ANKS1B: variants seen among roughly 807,000 people sequenced by gnomAD.
The protein encoded by ANKS1B is ankyrin repeat and sterile alpha motif domain containing 1B.
A neutral mutation model predicts 148.3 loss-of-function variants in ANKS1B; 36 were observed. The ratio of observed to expected loss-of-function variants is 0.24; its 90% confidence interval spans 0.19 to 0.32. ANKS1B has a LOEUF of 0.32. Ranked by LOEUF, ANKS1B falls within the 10% of genes least tolerant of loss-of-function variation. The pLI, the probability that ANKS1B is intolerant of heterozygous loss-of-function variation, is 1.00. For synonymous variants in ANKS1B, 542 were observed against 560.8 expected (o/e 0.97, Z 0.47); for missense variants, 1,157 against 1,542.6 (o/e 0.75, Z 4.19).
intron 8 of ANKS1B, among the ~76,000 whole-genome samples, chr12:99,673,990 C>T (rs2098550368): frequency 6.6e-6 from 1 of 151,436 alleles, no homozygotes; most frequent in African/African-American, 2.4e-5. Context: ...CTAGAATATA[C>T]AACAGGAAAA....
chr12:98,937,110 G>A (rs1401129392), intron 17 of ANKS1B, among the ~76,000 whole-genome samples: 2 of 152,192 alleles, frequency 1.3e-5, no homozygotes, highest in African/African-American at 4.8e-5. Context: ...GTCTCAAAGT[G>A]GAGAATGCAT....
At chr12:99,220,608 G>T (rs1049081009) in intron 14 of ANKS1B, among the ~76,000 whole-genome samples, 1 of 151,284 alleles carries the variant, frequency 6.6e-6, no homozygotes, top group East Asian at 2.0e-4. Flanking sequence ...CACCACCCCC[G>T]GCTAATTTTT....
chr12:99,230,811 T>C (rs1566686704), intron 14 of ANKS1B, among the ~76,000 whole-genome samples: 1 of 152,106 alleles, frequency 6.6e-6, no homozygotes, highest in African/African-American at 2.4e-5. Context: ...TATCCTATTA[T>C]TAAGTGATTC....
At chr12:99,851,376 C>T (rs2087808901) in intron 1 of ANKS1B, among the ~76,000 whole-genome samples, 1 of 152,116 alleles carries the variant, frequency 6.6e-6, no homozygotes, top group African/African-American at 2.4e-5. Flanking sequence ...CCTTGCCCTA[C>T]CCCCACCTGA....
At chr12:99,976,518 T>G (rs1744048158) in intron 1 of ANKS1B, among the ~76,000 whole-genome samples, 1 of 152,182 alleles carries the variant, frequency 6.6e-6, no homozygotes, top group African/African-American at 2.4e-5. Flanking sequence ...GAAAGGAGGT[T>G]GGCTGTTTAT....
At chr12:99,493,737 G>A (rs115409291) in intron 10 of ANKS1B, among the ~76,000 whole-genome samples, 2,141 of 152,218 alleles carry the variant, frequency 0.014, 42 homozygotes, top group African/African-American at 0.049. Flanking sequence ...GGAAAGATGT[G>A]GGAGTTTAGT....
chr12:99,419,693 G>C (rs2095026320), intron 11 of ANKS1B, among the ~76,000 whole-genome samples: 1 of 151,964 alleles, frequency 6.6e-6, no homozygotes, highest in Admixed American at 6.6e-5. Context: ...TTTAGAGATA[G>C]GGTCTCACTC....
intron 10 of ANKS1B, among the ~76,000 whole-genome samples, chr12:99,501,403 C>T (rs1252910893): frequency 6.6e-6 from 1 of 152,108 alleles, no homozygotes; most frequent in Non-Finnish European, 1.5e-5. Flanking sequence ...TTTGCTTCCA[C>T]TTGATACCTG....
chr12:99,649,464 T>C, intron 9 of ANKS1B: 4 of 1,287,196 alleles, frequency 3.1e-6, no homozygotes, highest in Non-Finnish European at 3.4e-6. Flanking sequence ...ATAAAACCTA[T>C]AGTGCCTGAT....
chr12:99,085,905 A>C (rs2051584498), intron 15 of ANKS1B, among the ~76,000 whole-genome samples: 1 of 152,164 alleles, frequency 6.6e-6, no homozygotes, highest in Admixed American at 6.6e-5. Context: ...AAAATAACTC[A>C]TCAGTACTAG....
chr12:99,053,449 T>C (rs1402101210), intron 16 of ANKS1B, 140 bp from the exon 17 acceptor site: 4 of 626,728 alleles, frequency 6.4e-6, no homozygotes, highest in African/African-American at 3.8e-5. Context: ...GAAAACACTT[T>C]CTGATGTGTT....
chr12:99,947,405 T>A lies in ANKS1B; in HGVS notation c.134+36699A>T, dbSNP rs148197998. Among the ~76,000 whole-genome samples the A allele has an allele frequency of 5.6e-4, 85 of 152,126 alleles. No individual in the cohort carries two copies. In the East Asian group the frequency reaches 0.011, roughly 20 times the overall value. On this transcript the variant is annotated intron_variant, in intron 1 of 26. Transcript: ENST00000683438. Reference sequence around the variant, plus strand: ...TTTGGACACCAGGGAGACAGAGGCATGGGAGTTCAGGAAAAAACAAGTGGC... The same window carrying A: ...TTTGGACACCAGGGAGACAGAGGCAAGGGAGTTCAGGAAAAAACAAGTGGC...
chr12:99,426,441 A>C (rs1294415755), intron 11 of ANKS1B, among the ~76,000 whole-genome samples: 2 of 149,172 alleles, frequency 1.3e-5, no homozygotes, highest in Non-Finnish European at 3.0e-5. Flanking sequence ...TACTTGACTC[A>C]ATTCAATTTA....
At chr12:99,863,465 C>T (rs374137435) in intron 1 of ANKS1B, among the ~76,000 whole-genome samples, 13 of 152,140 alleles carry the variant, frequency 8.5e-5, no homozygotes, top group African/African-American at 2.9e-4. Context: ...CCCGTAATCC[C>T]AGCACTTTGG....
At chr12:99,325,413 C>A (rs2152218610) in intron 12 of ANKS1B, among the ~76,000 whole-genome samples, 1 of 152,156 alleles carries the variant, frequency 6.6e-6, no homozygotes, top group East Asian at 1.9e-4. Flanking sequence ...ATGGATAGCT[C>A]ATTTTAAAAA....
chr12:99,484,505 AC>A (rs1236253756), intron 10 of ANKS1B, among the ~76,000 whole-genome samples: 1 of 151,926 alleles, frequency 6.6e-6, no homozygotes, highest in African/African-American at 2.4e-5. Flanking sequence ...TCTGCTAAGT[AC>A]ATTTGTTGTA....
At chr12:99,025,769 G>A (rs1390081852) in intron 17 of ANKS1B, among the ~76,000 whole-genome samples, 1 of 152,194 alleles carries the variant, frequency 6.6e-6, no homozygotes, top group African/African-American at 2.4e-5. Context: ...TCATCCTGAA[G>A]TTGCACATAC....
At chr12:99,847,716 A>G (rs2086922524) in intron 1 of ANKS1B, among the ~76,000 whole-genome samples, 1 of 152,178 alleles carries the variant, frequency 6.6e-6, no homozygotes, top group Non-Finnish European at 1.5e-5. Flanking sequence ...TAAAACTTTG[A>G]TTAAATAAAT....
intron 14 of ANKS1B, among the ~76,000 whole-genome samples, chr12:99,223,036 A>T (rs995987417): frequency 1.3e-5 from 2 of 152,228 alleles, no homozygotes; most frequent in Admixed American, 6.5e-5. Flanking sequence ...TATTGAAAGT[A>T]AAATGTTTTC....
Sources: gnomAD v4.1 joint callset for allele counts (sites outside exome capture counted in the v4.1 genomes callset) on GRCh38, gnomAD v4.1.1 for gene constraint, MANE v1.5 for transcripts, NCBI Gene and HGNC (gene_info 2026-07-23, HGNC 2026-07-21) for gene names.